The following SYNE1 variants were observed in gnomAD, a reference collection of about 807,000 sequenced individuals.
SYNE1 encodes nesprin-1.
SYNE1 carries 616 observed loss-of-function variants against 1,111.0 expected under a neutral mutation model. That is an observed-to-expected ratio of 0.55 (90% CI 0.52 to 0.59). SYNE1 has a LOEUF of 0.59. Ranked by LOEUF, SYNE1 falls within the 20% of genes least tolerant of loss-of-function variation. The pLI, the probability that SYNE1 is intolerant of heterozygous loss-of-function variation, is 0.00. For missense variants in SYNE1, 10,006 were observed against 10,417.0 expected, an observed-to-expected ratio of 0.96 and a Z score of 1.72; for synonymous variants, 3,855 against 3,825.8, an observed-to-expected ratio of 1.01 and a Z score of -0.28.
chr6:152,293,332 A>C (rs1012210687), intron 95 of SYNE1, among the ~76,000 whole-genome samples: 12 of 152,240 alleles, frequency 7.9e-5, no homozygotes, highest in Admixed American at 7.9e-4. Context: ...ACATAAATGC[A>C]TGTAGCTTTC....
Position 152,500,787 on chromosome 6 carries a change from A to C in SYNE1, c.888+1846T>G, listed in dbSNP as rs374117129. Reference sequence around the variant, plus strand: ...ACACAGTGAAACCCCGTCTCCACTAAAAAATACAAAAAAATTAGCCGGGCG... The same window carrying C: ...ACACAGTGAAACCCCGTCTCCACTACAAAATACAAAAAAATTAGCCGGGCG... On this transcript the variant is annotated intron_variant, in intron 10 of 145. Transcript: ENST00000367255. Among the ~76,000 whole-genome samples, 62 of 151,908 alleles carry C rather than the reference A, an allele frequency of 4.1e-4. 1 individual carries two copies. In the South Asian group the frequency reaches 0.012, roughly 29 times the overall value.
At chr6:152,250,094 T>A (rs1170055069) in intron 104 of SYNE1, among the ~76,000 whole-genome samples, 2 of 151,766 alleles carry the variant, frequency 1.3e-5, no homozygotes, top group African/African-American at 2.4e-5. Context: ...GCACCCGGTC[T>A]CTACAAAAAG....
At position 152,413,445 on chromosome 6, in the gene SYNE1, G is replaced by A; in HGVS notation, c.6137C>T (p.Ala2046Val). Residue 2046 changes from alanine to valine, a missense_variant, in exon 42 of 146, where the codon GCC (alanine) becomes GTC (valine). Ala to Val is a moderately conservative substitution (Grantham distance 64). Transcript: ENST00000367255. ...CWLKDKAKQI[A>V]QKDVAFAPEV... ...AGGTGCAAAAGCTACATCTTTCTGGGCAATTTGCTTGGCTTTGTCTTTCAA... is the reference window on the plus strand; with the variant it reads ...AGGTGCAAAAGCTACATCTTTCTGGACAATTTGCTTGGCTTTGTCTTTCAA... 1 of 1,614,080 alleles carries A rather than the reference G, an allele frequency of 6.2e-7. No individual in the cohort carries two copies. The highest frequency in any genetic ancestry group is 8.5e-7 in the Non-Finnish European group (1 of 1,180,008).
At chr6:152,456,190 G>A in intron 22 of SYNE1, 146 bp from the exon 23 acceptor site, 2 of 764,674 alleles carry the variant, frequency 2.6e-6, no homozygotes, top group South Asian at 3.9e-5. Context: ...AAGTATGGTG[G>A]AACATTTCAA....
At chr6:152,432,137 A>T (rs1212614874) in intron 34 of SYNE1, among the ~76,000 whole-genome samples, 1 of 152,120 alleles carries the variant, frequency 6.6e-6, no homozygotes, top group Non-Finnish European at 1.5e-5. Flanking sequence ...AACCCAGCAT[A>T]TGTTCTTATC....
chr6:152,511,052 T>C lies in SYNE1; in HGVS notation c.361A>G (p.Ile121Val), dbSNP rs1554830234. Residue 121 changes from isoleucine (I) to valine (V), a missense_variant, in exon 7 of 146, where the codon ATA becomes GTA. By Grantham distance (29) the Ile-to-Val change is conservative. This residue lies in a region of SYNE1 where 1,971 missense variants were observed against 2,084.1 expected (regional missense o/e 0.95). Transcript: ENST00000367255. ...STDIADGRPS[I>V]VLGLMWTIIL... is the part of the protein sequence containing the mutation. Reference sequence around the variant, plus strand: ...ATGGTCCACATCAATCCAAGAACTATTGAGGGTCGGCCATCAGCTATATCG... The same window carrying C: ...ATGGTCCACATCAATCCAAGAACTACTGAGGGTCGGCCATCAGCTATATCG... 1 of 1,614,046 alleles carries C rather than the reference T, an allele frequency of 6.2e-7. No homozygotes were observed. The highest frequency in any genetic ancestry group is 1.1e-5 in the South Asian group (1 of 91,086).
At chr6:152,202,546 C>T (rs79015024) in intron 126 of SYNE1, among the ~76,000 whole-genome samples, 17 of 151,750 alleles carry the variant, frequency 1.1e-4, no homozygotes, top group South Asian at 2.1e-4. Flanking sequence ...ATTTTCCCTA[C>T]GAAAATGGAA....
chr6:152,627,965 G>C (rs1467480144), intron 3 of SYNE1, among the ~76,000 whole-genome samples: 1 of 138,182 alleles, frequency 7.2e-6, no homozygotes, highest in Non-Finnish European at 1.5e-5. Context: ...AACAGCAGCA[G>C]TACATTTGAC....
chr6:152,200,620 A>C (rs2075225158), intron 127 of SYNE1, among the ~76,000 whole-genome samples: 1 of 152,136 alleles, frequency 6.6e-6, no homozygotes, highest in African/African-American at 2.4e-5. Flanking sequence ...GATCTTGAAC[A>C]TCTGGTCTCA....
intron 95 of SYNE1, among the ~76,000 whole-genome samples, chr6:152,289,321 T>C (rs1014457860): frequency 6.6e-6 from 1 of 152,358 alleles, no homozygotes; most frequent in South Asian, 2.1e-4. Context: ...TTCTCTAACA[T>C]AAAAACTCTT....
intron 14 of SYNE1, among the ~76,000 whole-genome samples, chr6:152,474,879 C>A (rs2098826323): frequency 6.6e-6 from 1 of 151,584 alleles, no homozygotes; most frequent in African/African-American, 2.4e-5. Context: ...AGGAAGGAGA[C>A]AAAAAGCAAA....
chr6:152,354,968 C>T lies in SYNE1; in HGVS notation c.10617G>A (p.Gln3539=). 1.2e-6 allele frequency: 2 copies of T among 1,613,912 alleles called. No homozygotes were observed. The highest frequency in any genetic ancestry group is 1.7e-6 in the Non-Finnish European group (2 of 1,180,038). ...GGGCCTGCCCCTCTGCACAGTGTAC[C>T]TGTAGCTCCTGCAGAGAAAAAGGTA... ...ETTLRDLQEL[Q]VHCAEGQALL... The change falls in exon 67 of 146, where the codon CAG becomes CAA. Residue 3539 remains glutamine, a synonymous_variant. Transcript: ENST00000367255.
At chr6:152,290,418 G>A (rs540554622) in intron 95 of SYNE1, among the ~76,000 whole-genome samples, 4 of 152,186 alleles carry the variant, frequency 2.6e-5, no homozygotes, top group East Asian at 3.9e-4. Flanking sequence ...TTAGTCCAGC[G>A]TGGTGGCAAG....
At position 152,376,487 on chromosome 6, in the gene SYNE1, A is replaced by C; in HGVS notation, c.9218T>G (p.Phe3073Cys). 1 of 1,614,192 alleles carries C rather than the reference A, an allele frequency of 6.2e-7. No individual in the cohort carries two copies. The highest frequency in any genetic ancestry group is 8.5e-7 in the Non-Finnish European group (1 of 1,180,036). ...AACCAACCACTGCTGGAAATCCCTG[A>C]AGGCCTTTCGAAATCTTTGCTGTAA... is the stretch of plus-strand genomic sequence containing the variant. ...QILQQRFRKAFRDFQQWLVNA... is the reference protein window; with the variant it reads ...QILQQRFRKACRDFQQWLVNA... The change falls in exon 58 of 146, where the codon TTC becomes TGC. Residue 3073 changes from phenylalanine to cysteine, a missense_variant. Phe to Cys is a radical substitution (Grantham distance 205). Transcript: ENST00000367255.
At chr6:152,600,008 A>G (rs1396047520) in intron 3 of SYNE1, among the ~76,000 whole-genome samples, 3 of 152,220 alleles carry the variant, frequency 2.0e-5, no homozygotes, top group Non-Finnish European at 4.4e-5. Context: ...ACCTGAAGAG[A>G]TTCAGTAAAT....
At chr6:152,366,492 T>C (rs1329003321) in intron 62 of SYNE1, among the ~76,000 whole-genome samples, 1 of 152,052 alleles carries the variant, frequency 6.6e-6, no homozygotes, top group African/African-American at 2.4e-5. Context: ...CAAGACTCTG[T>C]CTTAATTTTA....
chr6:152,463,575 A>ATT, intron 18 of SYNE1, 58 bp from the exon 19 acceptor site: 8 of 1,408,182 alleles, frequency 5.7e-6, no homozygotes, highest in African/African-American at 1.4e-5. Context: ...AGTGACTGAT[A>ATT]TGAAAGTGAC....
chr6:152,363,782 G>A (rs758007462), intron 63 of SYNE1: 19 of 455,422 alleles, frequency 4.2e-5, no homozygotes, highest in Admixed American at 7.1e-5. Flanking sequence ...ACCCTGAGGG[G>A]CAGCCCTCAA....
chr6:152,338,172 T>G (rs1296146324), intron 75 of SYNE1, among the ~76,000 whole-genome samples: 1 of 151,896 alleles, frequency 6.6e-6, no homozygotes, highest in Non-Finnish European at 1.5e-5. Flanking sequence ...ATAAAATAAA[T>G]GGGTTACATC....
Sources: gnomAD v4.1 joint callset for allele counts (sites outside exome capture counted in the v4.1 genomes callset) on GRCh38, gnomAD v4.1.1 for gene constraint, gnomAD v4.1.1 regional missense constraint, MANE v1.5 for transcripts, NCBI Gene and HGNC (gene_info 2026-07-23, HGNC 2026-07-21) for gene names.